The following UBAP2 variants were observed in gnomAD, a reference collection of about 807,000 sequenced individuals.
The protein encoded by UBAP2 is ubiquitin-associated protein 2.
In UBAP2, 75 loss-of-function variants were observed where a neutral mutation model predicts 139.6. That is an observed-to-expected ratio of 0.54 (90% CI 0.45 to 0.65). The LOEUF (loss-of-function observed/expected upper bound fraction) is 0.65, where lower values mean the gene tolerates loss of function less well. Ranked by LOEUF, UBAP2 falls within the 30% of genes least tolerant of loss-of-function variation. The pLI is 0.00. For synonymous variants in UBAP2, 526 were observed against 526.2 expected (o/e 1.00, Z 0.01); for missense variants, 1,368 against 1,369.6 (o/e 1.00, Z 0.02).
In UBAP2 at chr9:33,944,575, C is replaced by T; in HGVS notation, c.1335G>A (p.Gln445=). The T allele has an allele frequency of 1.2e-6, 2 of 1,614,094 alleles. No individual in the cohort carries two copies. The highest frequency in any genetic ancestry group is 1.7e-6 in the Non-Finnish European group (2 of 1,180,020). The change falls in exon 14 of 29, where the codon CAG becomes CAA. Residue 445 remains glutamine, a synonymous_variant. Transcript: ENST00000379238. The part of the protein sequence containing the change: ...LSQLSQRQQH[Q]SQAVTVPPPG... ...GAGGAGGAACAGTGACTGCCTGGCT[C>T]TGGTGCTGTTGTCGCTGGCTCAACT... is the stretch of plus-strand genomic sequence containing the variant.
chr9:33,964,529 C>T (rs535853845), intron 8 of UBAP2, among the ~76,000 whole-genome samples: 1 of 152,144 alleles, frequency 6.6e-6, no homozygotes, highest in East Asian at 1.9e-4. Context: ...AGCTTCCACA[C>T]ACAGTTCTTC....
chr9:34,007,106 C>T (rs566484982), intron 2 of UBAP2, among the ~76,000 whole-genome samples: 19 of 152,258 alleles, frequency 1.2e-4, no homozygotes, highest in Admixed American at 6.5e-4. Context: ...TACAACATGT[C>T]ATCTATAAAT....
intron 8 of UBAP2, among the ~76,000 whole-genome samples, chr9:33,964,070 G>A (rs764707488): frequency 3.9e-5 from 6 of 152,104 alleles, no homozygotes; most frequent in Non-Finnish European, 5.9e-5. Flanking sequence ...ATTCTAATCT[G>A]TTCAACAGGT....
At chr9:33,962,300 A>C (rs1827107202) in intron 9 of UBAP2, among the ~76,000 whole-genome samples, 1 of 152,224 alleles carries the variant, frequency 6.6e-6, no homozygotes, top group African/African-American at 2.4e-5. Flanking sequence ...ACAGACTTTT[A>C]TACATGATAT....
At position 33,924,282 on chromosome 9, in the gene UBAP2, G is replaced by A; in HGVS notation, c.2514C>T (p.Asp838=). The change falls in exon 23 of 29, where the codon GAC becomes GAT. Residue 838 remains aspartate (D), a splice_region_variant and synonymous_variant. Coordinates refer to ENST00000379238, the MANE Select transcript of UBAP2 (RefSeq NM_001370062.2). The part of the protein sequence containing the change: ...LQMLQSRLPV[D]YYGIPFAAPT... ...GTGCAGCAAAGGGAATTCCATAGTA[G>A]TCCTAGGAGAGACCAGGGAGGCTTG... 1 of 1,613,126 alleles carries A rather than the reference G, an allele frequency of 6.2e-7. No homozygotes were observed. Among genetic ancestry groups the A allele is most frequent in the African/African-American group, 1.3e-5 (1 of 75,018 alleles).
intron 1 of UBAP2, among the ~76,000 whole-genome samples, chr9:34,023,453 G>T (rs1825135038): frequency 6.6e-6 from 1 of 152,140 alleles, no homozygotes; most frequent in South Asian, 2.1e-4. Context: ...TGTCAAGGAA[G>T]AAAACCATAA....
chr9:34,032,665 T>C (rs1056082175), intron 1 of UBAP2, among the ~76,000 whole-genome samples: 2 of 152,216 alleles, frequency 1.3e-5, no homozygotes, highest in African/African-American at 4.8e-5. Context: ...GGCTCATGCC[T>C]GTAATTCCAG....
intron 21 of UBAP2, 72 bp from the exon 22 acceptor site, chr9:33,926,736 G>A (rs1823466000): frequency 4.5e-6 from 7 of 1,538,562 alleles, no homozygotes; most frequent in South Asian, 1.1e-5. Flanking sequence ...CCATCTAGGA[G>A]TCAAAACAAG....
chr9:33,937,864 G>A (rs948644300), intron 16 of UBAP2, among the ~76,000 whole-genome samples: 2 of 152,074 alleles, frequency 1.3e-5, no homozygotes, highest in African/African-American at 4.8e-5. Flanking sequence ...AGAGGTTGCA[G>A]TGAGCCGGGA....
At chr9:34,048,358 G>A (rs1827798035) in intron 1 of UBAP2, among the ~76,000 whole-genome samples, 1 of 152,148 alleles carries the variant, frequency 6.6e-6, no homozygotes, top group Non-Finnish European at 1.5e-5. Context: ...GGTAAGCCAG[G>A]AAAGGTTAGA....
At chr9:33,971,952 C>T (rs1423639375) in intron 7 of UBAP2, among the ~76,000 whole-genome samples, 198 bp from the exon 8 acceptor site, 2 of 152,154 alleles carry the variant, frequency 1.3e-5, no homozygotes, top group African/African-American at 2.4e-5. Context: ...CCAGAAGTTG[C>T]CTAGGGACCT....
intron 24 of UBAP2, 42 bp from the exon 25 acceptor site, chr9:33,923,520 A>C (rs779774116): frequency 1.9e-6 from 3 of 1,594,310 alleles, no homozygotes; most frequent in Non-Finnish European, 2.6e-6. Flanking sequence ...AGGAAGAGGC[A>C]AGCTGAGGCT....
intron 8 of UBAP2, chr9:33,968,488 C>A: frequency 1.9e-6 from 1 of 539,284 alleles, no homozygotes. Flanking sequence ...GACATTTGAG[C>A]ACTAATGGGA....
At chr9:34,028,277 A>T (rs1564070173) in intron 1 of UBAP2, among the ~76,000 whole-genome samples, 1 of 152,142 alleles carries the variant, frequency 6.6e-6, no homozygotes, top group African/African-American at 2.4e-5. Flanking sequence ...AGGTTACCTA[A>T]GGCCACGAAG....
Position 33,973,170 on chromosome 9 carries a change from G to A in UBAP2, c.575+13C>T. On this transcript the variant is annotated intron_variant, in intron 7 of 28. Coordinates refer to ENST00000379238, the MANE Select transcript of UBAP2 (RefSeq NM_001370062.2). ...AAGTAAATAATTATAAAAATAGGAT[G>A]GCTATCACTTACCCCATGCCTTGGG... 1 of 1,612,448 alleles carries A rather than the reference G, an allele frequency of 6.2e-7. No individual in the cohort carries two copies. The highest frequency in any genetic ancestry group is 8.5e-7 in the Non-Finnish European group (1 of 1,178,808).
At chr9:33,929,162 C>T (rs1460987576) in intron 19 of UBAP2, among the ~76,000 whole-genome samples, 2 of 152,346 alleles carry the variant, frequency 1.3e-5, no homozygotes, top group East Asian at 3.9e-4. Context: ...CCAACTGCCA[C>T]AGAAATCTGG....
chr9:33,941,360 G>A (rs1485238661), intron 16 of UBAP2, among the ~76,000 whole-genome samples: 1 of 152,142 alleles, frequency 6.6e-6, no homozygotes, highest in Non-Finnish European at 1.5e-5. Context: ...AATATTCAGA[G>A]ATATTTCAGA....
At chr9:34,019,301 G>A (rs1275891265) in intron 1 of UBAP2, among the ~76,000 whole-genome samples, 1 of 152,130 alleles carries the variant, frequency 6.6e-6, no homozygotes, top group Non-Finnish European at 1.5e-5. Flanking sequence ...AACTCAGGAA[G>A]CTGAAGCAGG....
At chr9:33,960,303 C>T (rs1826939817) in intron 10 of UBAP2, among the ~76,000 whole-genome samples, 1 of 151,924 alleles carries the variant, frequency 6.6e-6, no homozygotes, top group Non-Finnish European at 1.5e-5. Context: ...CATTTTTAAG[C>T]ACAAAAACAA....
Sources: allele counts gnomAD v4.1 joint callset (sites outside exome capture counted in the v4.1 genomes callset), GRCh38; gene constraint gnomAD v4.1.1; transcripts MANE v1.5; gene names NCBI Gene and HGNC (gene_info 2026-07-23, HGNC 2026-07-21).